TBL1XR1: variants seen among roughly 807,000 people sequenced by gnomAD.
TBL1XR1 encodes F-box-like/WD repeat-containing protein TBL1XR1.
TBL1XR1 carries 5 observed loss-of-function variants against 66.9 expected under a neutral mutation model. The ratio of observed to expected loss-of-function variants is 0.07; its 90% CI spans 0.04 to 0.16. The LOEUF is 0.16. Ranked by LOEUF, TBL1XR1 falls within the 10% of genes least tolerant of loss-of-function variation. The pLI is 1.00. For missense variants in TBL1XR1, 238 were observed against 623.2 expected, an observed-to-expected ratio of 0.38 and a Z score of 6.58; for synonymous variants, 210 against 206.0, an observed-to-expected ratio of 1.02 and a Z score of -0.17.
Position 177,022,200 on chromosome 3 carries a change from A to G in TBL1XR1, c.*3298T>C, listed in dbSNP as rs1241900704. 1 of 152,578 alleles carries G rather than the reference A, an allele frequency of 6.6e-6. No homozygotes were observed. Among genetic ancestry groups the G allele is most frequent in the Non-Finnish European group, 1.5e-5 (1 of 67,976 alleles). The allele number at this position is 152,578 out of a possible 1,614,324, so 9.5% of individuals were successfully genotyped here. ...CTCTTGACATTTTCGTATGTCAAAAAGCAAAAAACCTTCATGTATTTCAAT... is the reference window on the plus strand; with the variant it reads ...CTCTTGACATTTTCGTATGTCAAAAGGCAAAAAACCTTCATGTATTTCAAT... On this transcript the variant is annotated 3_prime_UTR_variant, in exon 16 of 16. Coordinates refer to ENST00000457928, the MANE Select transcript of TBL1XR1 (RefSeq NM_024665.7).
chr3:177,102,675 A>C (rs1383417995), intron 1 of TBL1XR1, among the ~76,000 whole-genome samples: 1 of 152,178 alleles, frequency 6.6e-6, no homozygotes, highest in Non-Finnish European at 1.5e-5. Flanking sequence ...TACTCTCACC[A>C]CAGCAGATCA....
At chr3:177,115,050 C>T (rs1039786500) in intron 1 of TBL1XR1, among the ~76,000 whole-genome samples, 3 of 151,832 alleles carry the variant, frequency 2.0e-5, no homozygotes, top group East Asian at 1.9e-4. Flanking sequence ...AGGAGTGAGG[C>T]GGTCTACATC....
At position 177,051,574 on chromosome 3, in the gene TBL1XR1, G is replaced by A. The variant is rs1376686816; in HGVS notation, c.357C>T (p.Ser119=). ...CTCCATTTTTTGCAGATCCTTGTTG[G>A]CTGGCTGCAGCTGCGGCAGCTGCAG... is the stretch of plus-strand genomic sequence containing the variant. The part of the protein sequence containing the change: ...AAAAAAAAAA[S]QQGSAKNGEN... The change falls in exon 5 of 16, where the codon AGC becomes AGT. Residue 119 remains serine, a synonymous_variant. Coordinates refer to ENST00000457928, the MANE Select transcript of TBL1XR1 (RefSeq NM_024665.7). The A allele has an allele frequency of 6.2e-7, 1 of 1,613,430 alleles. No homozygotes were observed. Among genetic ancestry groups the A allele is most frequent in the South Asian group, 1.1e-5 (1 of 91,052 alleles).
At chr3:177,141,527 C>T (rs906114159) in intron 1 of TBL1XR1, among the ~76,000 whole-genome samples, 2 of 152,046 alleles carry the variant, frequency 1.3e-5, no homozygotes. Context: ...TTATATGCAC[C>T]TGAAAGTGCA....
At chr3:177,039,316 G>T (rs1358415782) in intron 10 of TBL1XR1, among the ~76,000 whole-genome samples, 1 of 152,170 alleles carries the variant, frequency 6.6e-6, no homozygotes, top group Non-Finnish European at 1.5e-5. Flanking sequence ...GACCAGGTGA[G>T]ATCATGTGTG....
chr3:177,148,036 A>C (rs1730457589), intron 1 of TBL1XR1, among the ~76,000 whole-genome samples: 1 of 152,240 alleles, frequency 6.6e-6, no homozygotes, highest in African/African-American at 2.4e-5. Flanking sequence ...ACAGACACTT[A>C]GCTTTTGTCA....
At chr3:177,176,988 A>G (rs1734234947) in intron 1 of TBL1XR1, among the ~76,000 whole-genome samples, 1 of 152,082 alleles carries the variant, frequency 6.6e-6, no homozygotes, top group Non-Finnish European at 1.5e-5. Flanking sequence ...AATTTTTTGA[A>G]AAAGGAAAAT....
chr3:177,172,019 A>T (rs1236701960), intron 1 of TBL1XR1, among the ~76,000 whole-genome samples: 2 of 152,130 alleles, frequency 1.3e-5, no homozygotes, highest in Non-Finnish European at 2.9e-5. Flanking sequence ...TAATCCCAGC[A>T]CTTTGGGAGG....
intron 1 of TBL1XR1, among the ~76,000 whole-genome samples, chr3:177,110,265 A>G (rs991281720): frequency 3.1e-4 from 47 of 152,372 alleles, no homozygotes; most frequent in African/African-American, 6.3e-4. Context: ...AAAGAACTTC[A>G]AAGTTTTTCC....
intron 2 of TBL1XR1, among the ~76,000 whole-genome samples, chr3:177,097,638 T>C (rs934209135): frequency 2.6e-5 from 4 of 152,190 alleles, no homozygotes; most frequent in African/African-American, 9.7e-5. Context: ...TAGATAAGAA[T>C]GACTCTCCTT....
intron 2 of TBL1XR1, among the ~76,000 whole-genome samples, chr3:177,091,614 G>A (rs1477549585): frequency 6.6e-6 from 1 of 151,968 alleles, no homozygotes; most frequent in African/African-American, 2.4e-5. Context: ...AGGCTCTTTT[G>A]GCCAAGGGAA....
chr3:177,045,251 TAGTC>T (rs1249778229), intron 10 of TBL1XR1, among the ~76,000 whole-genome samples: 3 of 152,168 alleles, frequency 2.0e-5, no homozygotes, highest in African/African-American at 7.2e-5. Context: ...AGGGTTATTT[TAGTC>T]AGTCTCCAAA....
intron 1 of TBL1XR1, among the ~76,000 whole-genome samples, chr3:177,180,624 A>G (rs13081903): frequency 0.55 from 83,272 of 151,968 alleles, 23,519 homozygotes; most frequent in East Asian, 0.75. Flanking sequence ...GTAGCTCAAA[A>G]ACAAATGCGT....
chr3:177,072,351 T>C (rs1425099495), intron 2 of TBL1XR1, among the ~76,000 whole-genome samples: 1 of 152,176 alleles, frequency 6.6e-6, no homozygotes, highest in African/African-American at 2.4e-5. Context: ...TTTCACTCCA[T>C]TGGCATTTGC....
rs192404474 is a variant in TBL1XR1 at position 177,101,965 on chromosome 3, T to C, written c.-121-3424A>G. Among the ~76,000 whole-genome samples the C allele has an allele frequency of 6.7e-3, 1,020 of 151,658 alleles. 37 individuals are homozygous for C. The highest frequency in any genetic ancestry group is 0.063 in the Admixed American group (959 of 15,190). On this transcript the variant is annotated intron_variant, in intron 1 of 15. Transcript: ENST00000457928. ...CCCTGTATTAACCATTAGAATTTTTTTTTTTACTTTGAAATGAACATAAAT... is the reference window on the plus strand; with the variant it reads ...CCCTGTATTAACCATTAGAATTTTTCTTTTTACTTTGAAATGAACATAAAT...
At chr3:177,066,008 G>C (rs1263010959) in intron 2 of TBL1XR1, among the ~76,000 whole-genome samples, 1 of 152,052 alleles carries the variant, frequency 6.6e-6, no homozygotes, top group African/African-American at 2.4e-5. Flanking sequence ...AAAGGAAAGC[G>C]AGCTAGATTT....
At chr3:177,108,819 T>C (rs1725200110) in intron 1 of TBL1XR1, among the ~76,000 whole-genome samples, 2 of 152,094 alleles carry the variant, frequency 1.3e-5, no homozygotes, top group African/African-American at 4.8e-5. Flanking sequence ...CTGAGACTGG[T>C]CCTGGAAATG....
intron 1 of TBL1XR1, among the ~76,000 whole-genome samples, chr3:177,143,743 G>A (rs35944777): frequency 0.44 from 67,270 of 152,078 alleles, 15,685 homozygotes; most frequent in Non-Finnish European, 0.52. Flanking sequence ...AATTCAGTGA[G>A]GGTACAGCTA....
At chr3:177,092,062 A>G (rs1722902870) in intron 2 of TBL1XR1, among the ~76,000 whole-genome samples, 1 of 152,204 alleles carries the variant, frequency 6.6e-6, no homozygotes, top group South Asian at 2.1e-4. Context: ...GATTGGGACT[A>G]CAAGTGTTTC....
Sources: allele counts gnomAD v4.1 joint callset (sites outside exome capture counted in the v4.1 genomes callset), GRCh38; gene constraint gnomAD v4.1.1; transcripts MANE v1.5; gene names NCBI Gene and HGNC (gene_info 2026-07-23, HGNC 2026-07-21).